Variants in AKNA observed in about 807,000 individuals in gnomAD.
AKNA encodes AT-hook transcription factor, also known as microtubule organization protein AKNA.
In AKNA, 67 loss-of-function variants were observed where a neutral mutation model predicts 138.8. That is an observed-to-expected ratio of 0.48 (90% confidence interval 0.40 to 0.59). The LOEUF (loss-of-function observed/expected upper bound fraction) is 0.59, where lower values mean the gene tolerates loss of function less well. AKNA is among the 20% of genes least tolerant of loss of function. The pLI is 0.00. For synonymous variants in AKNA, 737 were observed against 754.4 expected, an observed-to-expected ratio of 0.98 and a Z score of 0.38; for missense variants, 1,813 against 1,880.4, an observed-to-expected ratio of 0.96 and a Z score of 0.66.
At chr9:114,388,045 G>A (rs552686014), upstream of AKNA, 40 of 267,822 alleles carry the variant, frequency 1.5e-4, no homozygotes, top group South Asian at 1.1e-3. Flanking sequence ...CCCTGCCGTG[G>A]TTGAGGCCGC....
intron 1 of AKNA, among the ~76,000 whole-genome samples, chr9:114,381,655 G>GTTTTTTTTTTTTTTTTTTTTTTTTTTT (rs1160552279): frequency 1.2e-5 from 1 of 82,858 alleles, no homozygotes; most frequent in African/African-American, 4.9e-5. Flanking sequence ...TCTCTCCAGG[G>GTTTTTTTTTTTTTTTTTTTTTTTTTTT]TTTTTTTTTT....
chr9:114,386,944 G>A (rs143455886), intron 1 of AKNA, among the ~76,000 whole-genome samples: 425 of 152,118 alleles, frequency 2.8e-3, no homozygotes, highest in Non-Finnish European at 4.7e-3. Context: ...GCTGTCCAGG[G>A]TGCCACCCTG....
At chr9:114,342,245 C>G (rs1221671760) in intron 19 of AKNA, 120 bp from the exon 20 acceptor site, 2 of 648,028 alleles carry the variant, frequency 3.1e-6, no homozygotes, top group African/African-American at 1.9e-5. Flanking sequence ...AGGGGACAAG[C>G]TGCCTCCATC....
chr9:114,362,935 G>A (rs2131941897), intron 7 of AKNA, among the ~76,000 whole-genome samples: 1 of 152,276 alleles, frequency 6.6e-6, no homozygotes, highest in East Asian at 1.9e-4. Flanking sequence ...GCAAAACTGT[G>A]GGCTTCAGAA....
chr9:114,356,597 C>T (rs911794815), intron 13 of AKNA, among the ~76,000 whole-genome samples: 1 of 152,182 alleles, frequency 6.6e-6, no homozygotes, highest in African/African-American at 2.4e-5. Flanking sequence ...AGTTTTTATT[C>T]ATTCATCCAT....
chr9:114,389,833 C>T (rs763188172), upstream of AKNA, among the ~76,000 whole-genome samples: 3 of 152,198 alleles, frequency 2.0e-5, no homozygotes, highest in Non-Finnish European at 4.4e-5. Context: ...GAATATCTGG[C>T]GTAGCCAGGG....
intron 15 of AKNA, chr9:114,348,943 G>A (rs776187830): frequency 4.4e-6 from 2 of 456,330 alleles, no homozygotes; most frequent in East Asian, 6.9e-5. Flanking sequence ...CAGCAGACAT[G>A]AGCGCTCAGA....
At chr9:114,391,959 T>C (rs995088080), upstream of AKNA, among the ~76,000 whole-genome samples, 1 of 146,952 alleles carries the variant, frequency 6.8e-6, no homozygotes. Flanking sequence ...GCAACAGTCA[T>C]GTGCATGGCT....
chr9:114,360,112 C>G lies in AKNA; in HGVS notation c.2125-50G>C, dbSNP rs764374017. 3.1e-6 allele frequency: 5 copies of G among 1,610,412 alleles called. No individual in the cohort carries two copies. In the African/African-American group the frequency reaches 4.0e-5, roughly 13 times the overall value. On this transcript the variant is annotated intron_variant, in intron 9 of 21. Transcript: ENST00000374088. ...AGAGATTCAGCAGATAGTTAAACAC[C>G]ACTTTTAAGCACTTACCTCCTGCCA...
At chr9:114,355,275 A>C (rs1831413175) in intron 14 of AKNA, among the ~76,000 whole-genome samples, 1 of 151,802 alleles carries the variant, frequency 6.6e-6, no homozygotes, top group Admixed American at 6.6e-5. Flanking sequence ...TCCCGGGTTC[A>C]AGCAATTCTC....
chr9:114,379,602 C>T (rs533135241), intron 2 of AKNA, among the ~76,000 whole-genome samples: 6 of 152,322 alleles, frequency 3.9e-5, no homozygotes, highest in East Asian at 3.9e-4. Context: ...CACCAGCCTG[C>T]GGGAGTCACA....
chr9:114,348,195 C>T (rs1280805407), intron 15 of AKNA, among the ~76,000 whole-genome samples: 4 of 152,162 alleles, frequency 2.6e-5, no homozygotes, highest in South Asian at 2.1e-4. Flanking sequence ...GACAAATTCT[C>T]GAGATGGAGA....
At chr9:114,348,204 G>A (rs939235073) in intron 15 of AKNA, among the ~76,000 whole-genome samples, 1 of 152,170 alleles carries the variant, frequency 6.6e-6, no homozygotes, top group Middle Eastern at 3.2e-3. Flanking sequence ...TCGAGATGGA[G>A]ACAAGGATGC....
chr9:114,332,639 AGGGCTTAT>A (rs1198478684), downstream of AKNA, among the ~76,000 whole-genome samples: 6 of 152,078 alleles, frequency 3.9e-5, no homozygotes, highest in African/African-American at 1.5e-4. Context: ...ATCCTGGGAC[AGGGCTTAT>A]GAACGCAACC....
chr9:114,331,637 C>T (rs143587999), downstream of AKNA: 3 of 1,613,974 alleles, frequency 1.9e-6, no homozygotes, highest in African/African-American at 2.7e-5. Context: ...TTGGTTCCTA[C>T]CTGGACGATG....
downstream of AKNA, chr9:114,331,456 C>T: frequency 1.2e-6 from 1 of 830,350 alleles, no homozygotes; most frequent in African/African-American, 1.7e-5. Context: ...GAGACCCGGG[C>T]CTTCACTGAT....
chr9:114,362,362 GC>G, intron 8 of AKNA, 43 bp downstream of exon 8: 2 of 1,581,586 alleles, frequency 1.3e-6, no homozygotes, highest in Non-Finnish European at 1.7e-6. Flanking sequence ...GACCCCAGGG[GC>G]CCATCCCATC....
intron 1 of AKNA, among the ~76,000 whole-genome samples, chr9:114,386,403 G>A (rs954100165): frequency 3.9e-5 from 6 of 152,226 alleles, no homozygotes; most frequent in East Asian, 1.9e-4. Flanking sequence ...GCAAAGGCAC[G>A]TAGGTCTGAA....
At chr9:114,345,839 T>C in intron 18 of AKNA, 24 bp downstream of exon 18, 1 of 1,611,670 alleles carries the variant, frequency 6.2e-7, no homozygotes, top group Non-Finnish European at 8.5e-7. Flanking sequence ...GCTGCACCCA[T>C]CCCGGCCCTC....
Sources: allele counts gnomAD v4.1 joint callset (sites outside exome capture counted in the v4.1 genomes callset), GRCh38; gene constraint gnomAD v4.1.1; transcripts MANE v1.5; gene names NCBI Gene and HGNC (gene_info 2026-07-23, HGNC 2026-07-21).